The following TNS3 variants were observed in gnomAD, a reference collection of about 807,000 sequenced individuals.
TNS3 encodes the protein tensin-3.
Under a neutral mutation model 140.9 loss-of-function variants are expected in TNS3, and 45 were observed. The ratio of observed to expected loss-of-function variants is 0.32; its 90% CI spans 0.25 to 0.41. The LOEUF (loss-of-function observed/expected upper bound fraction) is 0.41, where lower values mean the gene tolerates loss of function less well. Among genes scored for constraint, TNS3 ranks in the 10% least tolerant of loss-of-function variants. The probability of loss-of-function intolerance (pLI) is 1.00; values close to 1 mark genes in which losing one functional copy is unlikely to be tolerated. For missense variants in TNS3, 1,716 were observed against 1,906.7 expected (o/e 0.90, Z 1.86); for synonymous variants, 815 against 788.4 (o/e 1.03, Z -0.56).
intron 16 of TNS3, among the ~76,000 whole-genome samples, chr7:47,376,043 T>C (rs996150719): frequency 2.0e-5 from 3 of 152,250 alleles, no homozygotes; most frequent in Non-Finnish European, 2.9e-5. Flanking sequence ...TGCAATTTTT[T>C]AGTTTCAAAG....
At chr7:47,476,784 G>A (rs964085500) in intron 4 of TNS3, among the ~76,000 whole-genome samples, 5 of 152,176 alleles carry the variant, frequency 3.3e-5, no homozygotes, top group African/African-American at 1.2e-4. Context: ...TGGCTCCCAG[G>A]AAGCTCCAAC....
chr7:47,364,979 G>C (rs1790608598), intron 17 of TNS3, among the ~76,000 whole-genome samples: 1 of 152,178 alleles, frequency 6.6e-6, no homozygotes, highest in South Asian at 2.1e-4. Context: ...GGCCCCAGAT[G>C]CCTGTCAAAT....
At position 47,499,769 on chromosome 7, in the gene TNS3, G is replaced by A. The variant is rs180922134; in HGVS notation, c.-115+7138C>T. On this transcript the variant is annotated intron_variant, in intron 3 of 30. Transcript: ENST00000311160. The stretch of plus-strand genomic sequence containing the variant: ...CAGCGAAACTACTCCATACGGTACT[G>A]TCATGGTGGATGTCACTTATCATGC... 3.9e-5 allele frequency among the ~76,000 whole-genome samples: 6 copies of A among 152,294 alleles called. No individual in the cohort carries two copies. In the East Asian group the frequency reaches 9.7e-4, roughly 25 times the overall value.
chr7:47,405,332 A>G (rs780391398), intron 13 of TNS3, among the ~76,000 whole-genome samples: 2 of 152,176 alleles, frequency 1.3e-5, no homozygotes, highest in Non-Finnish European at 2.9e-5. Flanking sequence ...GAAAAGAGTA[A>G]CATTCTCACT....
intron 4 of TNS3, among the ~76,000 whole-genome samples, chr7:47,449,513 T>C (rs1795914581): frequency 6.6e-6 from 1 of 152,246 alleles, no homozygotes; most frequent in African/African-American, 2.4e-5. Flanking sequence ...TCTCAAGCAC[T>C]TGGCTCAGAT....
At chr7:47,561,061 A>G (rs1264103113) in intron 1 of TNS3, among the ~76,000 whole-genome samples, 1 of 152,218 alleles carries the variant, frequency 6.6e-6, no homozygotes, top group Non-Finnish European at 1.5e-5. Flanking sequence ...CTCTTTGTCT[A>G]GGGTAATAGG....
chr7:47,404,505 G>A lies in TNS3; in HGVS notation c.724-3591C>T, dbSNP rs752635831. ...GGTGAATGATGATCTCAATGGGAAG[G>A]CCTGTAAGCACTCTTGCTTTCTTTT... is the stretch of plus-strand genomic sequence containing the variant. On this transcript the variant is annotated intron_variant, in intron 13 of 30. Transcript: ENST00000311160. Among the ~76,000 whole-genome samples the A allele has an allele frequency of 3.9e-5, 6 of 152,148 alleles. 1 individual carries two copies. Among genetic ancestry groups the A allele is most frequent in the Non-Finnish European group, 7.4e-5 (5 of 68,024 alleles).
intron 17 of TNS3, among the ~76,000 whole-genome samples, chr7:47,360,510 T>C (rs1790253311): frequency 6.6e-6 from 1 of 152,208 alleles, no homozygotes; most frequent in Admixed American, 6.5e-5. Flanking sequence ...TCCTCTATCC[T>C]GGTTCTCTGA....
intron 3 of TNS3, among the ~76,000 whole-genome samples, chr7:47,495,207 A>G (rs73695355): frequency 0.013 from 1,938 of 151,708 alleles, 29 homozygotes; most frequent in African/African-American, 0.038. Flanking sequence ...AAAAAAAAAA[A>G]AAAAGAAACG....
Position 47,307,090 on chromosome 7 carries a change from T to G in TNS3, c.2651-2087A>C, listed in dbSNP as rs373662656. On this transcript the variant is annotated intron_variant, in intron 20 of 30. Coordinates refer to ENST00000311160, the MANE Select transcript of TNS3 (RefSeq NM_022748.12). Reference sequence around the variant, plus strand: ...GCTTAAAGTAAATAATTCGGTCAGTTTGTCATATGTAAACGTCCATGAAAC... The same window carrying G: ...GCTTAAAGTAAATAATTCGGTCAGTGTGTCATATGTAAACGTCCATGAAAC... Among the ~76,000 whole-genome samples the G allele has an allele frequency of 5.3e-5, 8 of 152,308 alleles. No homozygotes were observed. In the East Asian group the frequency reaches 1.3e-3, roughly 26 times the overall value.
At chr7:47,281,818 AG>A (rs1785159743) in intron 28 of TNS3, among the ~76,000 whole-genome samples, 1 of 152,192 alleles carries the variant, frequency 6.6e-6, no homozygotes, top group African/African-American at 2.4e-5. Flanking sequence ...AGGAGGGAAC[AG>A]TCAACATTGT....
Position 47,445,490 on chromosome 7 carries a change from G to T in TNS3, c.-75-3435C>A, listed in dbSNP as rs1215079797. ...CCTTCCATCTCCTGGCTTTCAGGTG[G>T]TCCACACCCTCTCCTGCACAGGCTG... On this transcript the variant is annotated intron_variant, in intron 4 of 30. Coordinates refer to ENST00000311160, the MANE Select transcript of TNS3 (RefSeq NM_022748.12). Among the ~76,000 whole-genome samples the T allele has an allele frequency of 4.6e-5, 7 of 152,282 alleles. No individual in the cohort carries two copies. In the South Asian group the frequency reaches 1.5e-3, roughly 32 times the overall value.
intron 20 of TNS3, 140 bp downstream of exon 20, chr7:47,344,615 G>T: frequency 1.2e-6 from 1 of 827,362 alleles, no homozygotes; most frequent in Non-Finnish European, 1.9e-6. Flanking sequence ...TTCCCAGCAA[G>T]ATCCATCCTC....
At chr7:47,342,261 G>A (rs1789063996) in intron 20 of TNS3, among the ~76,000 whole-genome samples, 1 of 152,180 alleles carries the variant, frequency 6.6e-6, no homozygotes. Context: ...GTACTTAGCA[G>A]GAGAAATAGA....
At chr7:47,555,382 C>T (rs986339948) in intron 1 of TNS3, among the ~76,000 whole-genome samples, 9 of 133,194 alleles carry the variant, frequency 6.8e-5, no homozygotes, top group Admixed American at 5.7e-4. Flanking sequence ...GCCTGAGGGA[C>T]AAGAGCAAGA....
intron 27 of TNS3, among the ~76,000 whole-genome samples, chr7:47,291,551 G>T (rs1192008831): frequency 6.6e-6 from 1 of 152,142 alleles, no homozygotes; most frequent in African/African-American, 2.4e-5. Context: ...TGGTTCTTGG[G>T]TGTTGTATGT....
intron 27 of TNS3, among the ~76,000 whole-genome samples, chr7:47,286,046 G>A (rs370603607): frequency 6.6e-6 from 1 of 152,314 alleles, no homozygotes; most frequent in Admixed American, 6.5e-5. Flanking sequence ...CTTCACGAGA[G>A]GGACAGTCCG....
At position 47,407,087 on chromosome 7, in the gene TNS3, AC is replaced by A. The variant is rs774095695; in HGVS notation, c.723+4639del. Among the ~76,000 whole-genome samples the A allele has an allele frequency of 6.6e-6, 1 of 152,130 alleles. No homozygotes were observed. The highest frequency in any genetic ancestry group is 1.5e-5 in the Non-Finnish European group (1 of 68,024). ...CTTTGCCAATAATGAGAAACGTGCA[AC>A]CGCATTTTTTTCTTCCTGTGTTGTT... On this transcript the variant is annotated intron_variant, in intron 13 of 30. Coordinates refer to ENST00000311160, the MANE Select transcript of TNS3 (RefSeq NM_022748.12). This position sits in a 1 kb window ranked among gnomAD's most constrained non-coding sequence, Gnocchi z 4.1.
intron 16 of TNS3, among the ~76,000 whole-genome samples, chr7:47,395,754 GTGT>G (rs1352670709): frequency 5.9e-5 from 9 of 152,190 alleles, no homozygotes; most frequent in Non-Finnish European, 8.8e-5. Context: ...GATATCATCT[GTGT>G]TTTAATGTCC....
Sources: allele counts gnomAD v4.1 joint callset (sites outside exome capture counted in the v4.1 genomes callset), GRCh38; gene constraint gnomAD v4.1.1; non-coding constraint Gnocchi (gnomAD v3.1); transcripts MANE v1.5; gene names NCBI Gene and HGNC (gene_info 2026-07-23, HGNC 2026-07-21).